The following AGPS variants were observed in gnomAD, a reference collection of about 807,000 sequenced individuals.
AGPS encodes the protein alkyldihydroxyacetonephosphate synthase, peroxisomal.
Under a neutral mutation model 90.7 loss-of-function variants are expected in AGPS, and 26 were observed. That is an observed-to-expected ratio of 0.29 (90% CI 0.21 to 0.40). AGPS has a LOEUF of 0.40. AGPS is among the 10% of genes least tolerant of loss of function. The pLI, the probability that AGPS is intolerant of heterozygous loss-of-function variation, is 1.00. For synonymous variants in AGPS, 294 were observed against 285.3 expected (o/e 1.03, Z -0.31); for missense variants, 540 against 816.1 (o/e 0.66, Z 4.12).
chr2:177,430,819 T>G (rs1686221173), intron 2 of AGPS, among the ~76,000 whole-genome samples: 1 of 152,194 alleles, frequency 6.6e-6, no homozygotes, highest in Admixed American at 6.5e-5. Context: ...TAGATTTCTA[T>G]AAACTAAAAT....
At chr2:177,417,273 A>G (rs1444294594) in intron 1 of AGPS, among the ~76,000 whole-genome samples, 1 of 152,206 alleles carries the variant, frequency 6.6e-6, no homozygotes, top group Admixed American at 6.5e-5. Flanking sequence ...CATGCACAAA[A>G]CCATTAAAAA....
chr2:177,477,861 A>ATTT (rs752142814), intron 10 of AGPS, among the ~76,000 whole-genome samples: 1 of 152,170 alleles, frequency 6.6e-6, no homozygotes, highest in Non-Finnish European at 1.5e-5. Context: ...TCATATATGT[A>ATTT]TTGTTTTATA....
chr2:177,431,094 C>G (rs1269491597), intron 2 of AGPS, among the ~76,000 whole-genome samples: 1 of 152,124 alleles, frequency 6.6e-6, no homozygotes, highest in African/African-American at 2.4e-5. Context: ...TCTATTTTCC[C>G]TAAGTGTCGG....
At chr2:177,435,229 T>C (rs1686368943) in intron 3 of AGPS, among the ~76,000 whole-genome samples, 1 of 151,928 alleles carries the variant, frequency 6.6e-6, no homozygotes, top group African/African-American at 2.4e-5. Context: ...ATCCAACTTG[T>C]TGTTAAGTGG....
intron 16 of AGPS, among the ~76,000 whole-genome samples, chr2:177,512,184 T>G (rs1019858840): frequency 3.3e-5 from 5 of 151,938 alleles, no homozygotes; most frequent in African/African-American, 4.8e-5. Context: ...TTATTTATAT[T>G]TAAATATTTG....
chr2:177,393,139 G>C, intron 1 of AGPS, 90 bp downstream of exon 1: 1 of 1,549,366 alleles, frequency 6.5e-7, no homozygotes. Flanking sequence ...GAAGGGAAGT[G>C]ACACGGGTGG....
intron 11 of AGPS, among the ~76,000 whole-genome samples, chr2:177,485,806 A>G (rs1688076155): frequency 6.6e-6 from 1 of 151,968 alleles, no homozygotes; most frequent in African/African-American, 2.4e-5. Flanking sequence ...AATCCTAGCT[A>G]CTCTGGAGGC....
intron 19 of AGPS, among the ~76,000 whole-genome samples, chr2:177,530,745 C>T (rs2079130575): frequency 6.6e-6 from 1 of 152,170 alleles, no homozygotes; most frequent in South Asian, 2.1e-4. Flanking sequence ...TATGTTAACT[C>T]TGGTTTTGTG....
chr2:177,501,983 A>C (rs146755270), intron 14 of AGPS, among the ~76,000 whole-genome samples: 2 of 152,180 alleles, frequency 1.3e-5, no homozygotes, highest in Non-Finnish European at 2.9e-5. Context: ...ACCGACTGAC[A>C]TGAATGTCAG....
chr2:177,426,352 A>G (rs887298889), intron 2 of AGPS, among the ~76,000 whole-genome samples: 1 of 152,172 alleles, frequency 6.6e-6, no homozygotes, highest in African/African-American at 2.4e-5. Context: ...AAACAGTTTG[A>G]CTTCCTCTCT....
intron 10 of AGPS, among the ~76,000 whole-genome samples, chr2:177,475,274 G>T (rs914550902): frequency 6.6e-6 from 1 of 152,142 alleles, no homozygotes; most frequent in African/African-American, 2.4e-5. Context: ...AAGGAAATTC[G>T]CAAATTAAAG....
chr2:177,454,531 A>G (rs1390913792), intron 8 of AGPS, among the ~76,000 whole-genome samples: 4 of 150,886 alleles, frequency 2.7e-5, no homozygotes, highest in Non-Finnish European at 5.9e-5. Flanking sequence ...TCACCCCATA[A>G]TGATTATGGG....
intron 14 of AGPS, among the ~76,000 whole-genome samples, chr2:177,503,760 A>G (rs1688629108): frequency 6.6e-6 from 1 of 152,134 alleles, no homozygotes; most frequent in African/African-American, 2.4e-5. Context: ...TTCAGTCATA[A>G]GTCTATGATT....
At chr2:177,503,268 T>C (rs1688612327) in intron 14 of AGPS, among the ~76,000 whole-genome samples, 1 of 152,158 alleles carries the variant, frequency 6.6e-6, no homozygotes, top group African/African-American at 2.4e-5. Context: ...TTTTAACTTC[T>C]CCAAGAGCAG....
chr2:177,479,998 TG>T (rs1687897677), intron 10 of AGPS, among the ~76,000 whole-genome samples: 2 of 152,092 alleles, frequency 1.3e-5, no homozygotes, highest in South Asian at 4.1e-4. Flanking sequence ...CTGACCAACA[TG>T]GAGAAACCCC....
At chr2:177,537,776 G>C (rs1037193173) in intron 19 of AGPS, among the ~76,000 whole-genome samples, 2 of 151,970 alleles carry the variant, frequency 1.3e-5, no homozygotes, top group Non-Finnish European at 2.9e-5. Flanking sequence ...CGAAATGCAC[G>C]TTTTTCTCAT....
intron 8 of AGPS, among the ~76,000 whole-genome samples, chr2:177,458,914 A>G (rs1016663832): frequency 1.3e-5 from 2 of 152,212 alleles, no homozygotes; most frequent in Non-Finnish European, 2.9e-5. Flanking sequence ...ATGCTACCTG[A>G]CTTCAAACTA....
intron 5 of AGPS, among the ~76,000 whole-genome samples, chr2:177,439,226 C>T (rs1452877442): frequency 2.0e-5 from 3 of 152,096 alleles, no homozygotes; most frequent in Non-Finnish European, 2.9e-5. Flanking sequence ...AACAAAAATC[C>T]GTGCTCTCAA....
At chr2:177,445,028 T>A (rs1686726523) in intron 7 of AGPS, among the ~76,000 whole-genome samples, 1 of 152,206 alleles carries the variant, frequency 6.6e-6, no homozygotes. Flanking sequence ...TGCCATCTGC[T>A]ATATTCAAAT....
Sources: allele counts gnomAD v4.1 joint callset (sites outside exome capture counted in the v4.1 genomes callset), GRCh38; gene constraint gnomAD v4.1.1; transcripts MANE v1.5; gene names NCBI Gene and HGNC (gene_info 2026-07-23, HGNC 2026-07-21).